Variants in DIP2A observed in about 807,000 individuals in gnomAD.
The protein encoded by DIP2A is disco-interacting protein 2 homolog A.
Under a neutral mutation model 177.4 loss-of-function variants are expected in DIP2A, and 85 were observed. That is an observed-to-expected ratio of 0.48 (90% confidence interval 0.40 to 0.57). The LOEUF (loss-of-function observed/expected upper bound fraction) is 0.57. Among genes scored for constraint, DIP2A ranks in the 20% least tolerant of loss-of-function variants. The pLI is 0.00. For synonymous variants in DIP2A, 886 were observed against 881.8 expected (o/e 1.00, Z -0.08); for missense variants, 1,791 against 2,100.2 (o/e 0.85, Z 2.88).
At chr21:46,486,586 A>G (rs2056713117) in intron 2 of DIP2A, among the ~76,000 whole-genome samples, 1 of 152,228 alleles carries the variant, frequency 6.6e-6, no homozygotes, top group Non-Finnish European at 1.5e-5. Context: ...CAAATAGGTT[A>G]TTTCATAAGA....
intron 28 of DIP2A, among the ~76,000 whole-genome samples, chr21:46,555,194 C>G (rs1429068932): frequency 6.6e-6 from 1 of 152,242 alleles, no homozygotes; most frequent in Non-Finnish European, 1.5e-5. Context: ...TCACCCGCCT[C>G]CTACTGGCAT....
intron 22 of DIP2A, 23 bp downstream of exon 22, chr21:46,549,908 T>C (rs1245476603): frequency 6.2e-7 from 1 of 1,607,568 alleles, no homozygotes; most frequent in South Asian, 1.1e-5. Context: ...GCACGGCCTA[T>C]GGTTCGGTGA....
chr21:46,528,555 T>TAGATAATG (rs2059215950), intron 8 of DIP2A, among the ~76,000 whole-genome samples: 2 of 115,412 alleles, frequency 1.7e-5, no homozygotes, highest in African/African-American at 6.4e-5. Flanking sequence ...TTTTTTTTTT[T>TAGATAATG]TTTTTTTTTT....
Position 46,563,965 on chromosome 21 carries a change from C to G in DIP2A, c.4164+33C>G. 1 of 1,596,476 alleles carries G rather than the reference C, an allele frequency of 6.3e-7. No homozygotes were observed. The highest frequency in any genetic ancestry group is 1.1e-5 in the South Asian group (1 of 89,152). On this transcript the variant is annotated intron_variant, in intron 35 of 37. Transcript: ENST00000417564. The surrounding 1 kb of genome is among the most constrained non-coding windows in gnomAD (Gnocchi z 4.3). Reference sequence around the variant, plus strand: ...GGGGCCCATGGGAGGGGCTTGAGCTCTCCAGCCTCACCAGCTTCACCTTCC... The same window carrying G: ...GGGGCCCATGGGAGGGGCTTGAGCTGTCCAGCCTCACCAGCTTCACCTTCC...
Position 46,537,358 on chromosome 21 carries a change from A to G in DIP2A, c.1707+70A>G, listed in dbSNP as rs1300566804. The G allele has an allele frequency of 3.1e-6, 5 of 1,611,238 alleles. No homozygotes were observed. Among genetic ancestry groups the G allele is most frequent in the Admixed American group, 1.7e-5 (1 of 59,980 alleles). ...AGATGAACCCAAGCCTCTGCCTGAA[A>G]TGTTGTTGGGAGAGTACATCGGTTT... On this transcript the variant is annotated intron_variant, in intron 14 of 37. Transcript: ENST00000417564. This position sits in a 1 kb window ranked among gnomAD's most constrained non-coding sequence, Gnocchi z 4.1.
chr21:46,563,856 A>G lies in DIP2A; in HGVS notation c.4090-2A>G. On this transcript the variant is annotated splice_acceptor_variant, in intron 34 of 37. Transcript: ENST00000417564. LOFTEE classifies it high-confidence loss of function. This position sits in a 1 kb window ranked among gnomAD's most constrained non-coding sequence, Gnocchi z 4.3. ...CAAGGGACATAGCTCTCCTCCTTCC[A>G]GATCCTCCCCGGCGTGAAGGTCATC... 2 of 1,613,312 alleles carry G rather than the reference A, an allele frequency of 1.2e-6. No individual in the cohort carries two copies. Among genetic ancestry groups the G allele is most frequent in the Non-Finnish European group, 8.5e-7 (1 of 1,179,756 alleles).
intron 25 of DIP2A, chr21:46,553,935 G>A (rs1272278015): frequency 6.2e-5 from 23 of 370,586 alleles, no homozygotes; most frequent in South Asian, 1.1e-4. Flanking sequence ...AGGCTGAGGC[G>A]GGCAGATCAC....
At chr21:46,499,485 G>T (rs2057537196) in intron 5 of DIP2A, among the ~76,000 whole-genome samples, 1 of 152,166 alleles carries the variant, frequency 6.6e-6, no homozygotes, top group South Asian at 2.1e-4. Context: ...TCTGTACCTG[G>T]CTGGAATTCT....
chr21:46,560,668 C>A, intron 32 of DIP2A, 54 bp from the exon 33 acceptor site: 2 of 1,565,342 alleles, frequency 1.3e-6, no homozygotes, highest in Non-Finnish European at 1.7e-6. Context: ...CCTGTAGAAA[C>A]AAGATGTTAA....
intron 4 of DIP2A, among the ~76,000 whole-genome samples, chr21:46,497,621 G>A (rs539372417): frequency 5.9e-4 from 90 of 152,324 alleles, no homozygotes; most frequent in African/African-American, 2.0e-3. Context: ...TAGCAATAAT[G>A]TATTTTAGTC....
intron 9 of DIP2A, among the ~76,000 whole-genome samples, chr21:46,529,727 TC>T (rs1569045724): frequency 6.6e-6 from 1 of 152,230 alleles, no homozygotes; most frequent in African/African-American, 2.4e-5. Context: ...CATCTTCTTT[TC>T]TGTTTGACTT....
At chr21:46,503,251 A>G (rs1371221843) in intron 5 of DIP2A, among the ~76,000 whole-genome samples, 1 of 149,086 alleles carries the variant, frequency 6.7e-6, no homozygotes, top group Non-Finnish European at 1.5e-5. Flanking sequence ...TGAACTCAGG[A>G]GGCAGAGGTT....
chr21:46,467,991 C>T (rs942653084), intron 1 of DIP2A, among the ~76,000 whole-genome samples: 2 of 151,862 alleles, frequency 1.3e-5, no homozygotes, highest in Non-Finnish European at 1.5e-5. Context: ...GGGCTGGGTG[C>T]AGTGGCTCAT....
rs1360607742 is a variant in DIP2A, at chr21:46,459,175, C to T, written c.44C>T (p.Ala15Val). 2 of 1,523,710 alleles carry T rather than the reference C, an allele frequency of 1.3e-6. No individual in the cohort carries two copies. The highest frequency in any genetic ancestry group is 1.8e-6 in the Non-Finnish European group (2 of 1,136,306). The allele number at this position is 1,523,710 out of a possible 1,614,324, so 94.4% of individuals were successfully genotyped here. ...GCPLEAAPLP[A>V]EVRESLAELE... is the part of the protein sequence containing the mutation. ...CCGCTGGAGGCGGCGCCGCTGCCTG[C>T]CGAGGTGCGGGAGAGCCTGGCTGAG... Residue 15 changes from alanine to valine, a missense_variant, in exon 1 of 38, where the codon GCC (alanine) becomes GTC (valine). By Grantham distance (64) the Ala-to-Val change is moderately conservative. Transcript: ENST00000417564.
chr21:46,537,270 G>C lies in DIP2A; in HGVS notation c.1689G>C (p.Leu563=). 6.2e-7 allele frequency: 1 copy of C among 1,614,052 alleles called. No individual in the cohort carries two copies. The highest frequency in any genetic ancestry group is 8.5e-7 in the Non-Finnish European group (1 of 1,179,900). The part of the protein sequence containing the change: ...NVLDFKRDAG[L]WHGVLTSVMN... ...TGGATTTCAAAAGGGATGCTGGTCT[G>C]TGGCATGGCGTGTTAACAGTGAGTG... Residue 563 remains leucine, a synonymous_variant, in exon 14 of 38, where the codon CTG becomes CTC. Coordinates refer to ENST00000417564, the MANE Select transcript of DIP2A (RefSeq NM_015151.4). The surrounding 1 kb of genome is among the most constrained non-coding windows in gnomAD (Gnocchi z 4.1).
Position 46,538,463 on chromosome 21 carries a change from G to T in DIP2A, c.1802-20G>T. 3.9e-6 allele frequency: 6 copies of T among 1,541,000 alleles called. No homozygotes were observed. Among genetic ancestry groups the T allele is most frequent in the East Asian group, 2.4e-5 (1 of 40,864 alleles). On this transcript the variant is annotated intron_variant, in intron 15 of 37. Transcript: ENST00000417564. ...CAGTCCTTGTGACGCAGGGATGTCT[G>T]TGCCATCCTCTCTCTGCAGCTCGGG...
chr21:46,565,597 C>T, intron 35 of DIP2A, 116 bp from the exon 36 acceptor site: 1 of 1,078,730 alleles, frequency 9.3e-7, no homozygotes, highest in East Asian at 2.6e-5. Flanking sequence ...ATATTATCCG[C>T]CCCGACTTCG....
Position 46,484,817 on chromosome 21 carries a change from C to T in DIP2A, c.152C>T (p.Pro51Leu), listed in dbSNP as rs375195048. Residue 51 changes from proline (P) to leucine (L), a missense_variant, in exon 2 of 38, where the codon CCG becomes CTG. Physicochemically the swap from Pro to Leu is moderately conservative, Grantham distance 98 (BLOSUM62 -3). Transcript: ENST00000417564. ...KRAKLLARYI[P>L]LIQGIDPSLQ... ...GCAAAGCTGCTTGCACGTTATATACCGCTTATTCAAGGTAAGGTCAATACA... is the reference window on the plus strand; with the variant it reads ...GCAAAGCTGCTTGCACGTTATATACTGCTTATTCAAGGTAAGGTCAATACA... 67 of 1,581,594 alleles carry T rather than the reference C, an allele frequency of 4.2e-5. No individual in the cohort carries two copies. The highest frequency in any genetic ancestry group is 1.4e-4 in the East Asian group (6 of 43,872).
chr21:46,571,897 C>T (rs532152043), downstream of DIP2A, among the ~76,000 whole-genome samples: 132 of 152,240 alleles, frequency 8.7e-4, no homozygotes, highest in South Asian at 6.8e-3. Context: ...TTCTTTCTTT[C>T]TCTTGCCTGT....
Sources: gnomAD v4.1 joint callset for allele counts (sites outside exome capture counted in the v4.1 genomes callset) on GRCh38, gnomAD v4.1.1 for gene constraint, Gnocchi (gnomAD v3.1) non-coding constraint, MANE v1.5 for transcripts, NCBI Gene and HGNC (gene_info 2026-07-23, HGNC 2026-07-21) for gene names.